KLC1: variants seen among roughly 807,000 people sequenced by gnomAD.
The protein encoded by KLC1 is kinesin 2 60/70kDa.
KLC1 carries 30 observed loss-of-function variants against 84.2 expected under a neutral mutation model. The ratio of observed to expected loss-of-function variants is 0.36; its 90% CI spans 0.27 to 0.48. KLC1 has a LOEUF of 0.48. Ranked by LOEUF, KLC1 falls within the 20% of genes least tolerant of loss-of-function variation. The pLI is 0.99. For missense variants in KLC1, 499 were observed against 805.4 expected, an observed-to-expected ratio of 0.62 and a Z score of 4.60; for synonymous variants, 289 against 293.3, an observed-to-expected ratio of 0.99 and a Z score of 0.15.
At chr14:103,663,371 C>T (rs1447922989) in intron 5 of KLC1, among the ~76,000 whole-genome samples, 1 of 152,162 alleles carries the variant, frequency 6.6e-6, no homozygotes, top group Non-Finnish European at 1.5e-5. Flanking sequence ...TGAGCCACCG[C>T]GCCCGGCCTA....
At chr14:103,643,906 C>G (rs2077687112) in intron 1 of KLC1, among the ~76,000 whole-genome samples, 2 of 150,792 alleles carry the variant, frequency 1.3e-5, no homozygotes, top group Admixed American at 6.6e-5. Flanking sequence ...CTTTTGCTTC[C>G]AATGTGGCTG....
At chr14:103,665,911 A>G (rs921956397) in intron 5 of KLC1, among the ~76,000 whole-genome samples, 1 of 140,508 alleles carries the variant, frequency 7.1e-6, no homozygotes, top group Non-Finnish European at 1.5e-5. Context: ...GAGATAGAGT[A>G]TGCATTGTGT....
At chr14:103,682,845 C>T (rs1291744351) in intron 13 of KLC1, 1 of 148,270 alleles carries the variant, frequency 6.7e-6, no homozygotes, top group Non-Finnish European at 1.5e-5. Context: ...GCACAATCTC[C>T]ACTCACTGCA....
rs547834193 is a variant in KLC1 at position 103,696,622 on chromosome 14, G to A, written c.1849-4033G>A. 8.8e-4 allele frequency: 870 copies of A among 985,530 alleles called. 3 individuals carry two copies. Among genetic ancestry groups the A allele is most frequent in the Non-Finnish European group, 7.7e-4 (640 of 829,964 alleles). 61.0% of individuals were successfully genotyped at this position (985,530 alleles called of 1,614,324 possible). On this transcript the variant is annotated intron_variant, in intron 15 of 16. Transcript: ENST00000334553. ...TGTAGAGCACTTACCAGCTCTGACC[G>A]TGTCTTGCTGGGGCCAGCAGGCTGC... is the stretch of plus-strand genomic sequence containing the variant.
chr14:103,672,212 G>T (rs1412148381), intron 7 of KLC1, among the ~76,000 whole-genome samples: 2 of 152,162 alleles, frequency 1.3e-5, no homozygotes, highest in Non-Finnish European at 2.9e-5. Context: ...AGTGTCCTAG[G>T]CAGGGGGAGG....
intron 13 of KLC1, 173 bp from the exon 14 acceptor site, chr14:103,686,908 A>G (rs1199959769): frequency 1.5e-5 from 5 of 323,024 alleles, no homozygotes; most frequent in Non-Finnish European, 3.0e-5. Flanking sequence ...AACAATTTCT[A>G]GTTAAAGTAT....
intron 3 of KLC1, among the ~76,000 whole-genome samples, chr14:103,658,289 C>CT (rs1328127253): frequency 6.6e-6 from 1 of 152,186 alleles, no homozygotes; most frequent in Non-Finnish European, 1.5e-5. Context: ...TACAAGGAGT[C>CT]TCGCTCTGTC....
chr14:103,681,268 A>G (rs995177219), intron 13 of KLC1, among the ~76,000 whole-genome samples: 2 of 152,092 alleles, frequency 1.3e-5, no homozygotes, highest in Non-Finnish European at 2.9e-5. Flanking sequence ...AGTGGTTCCT[A>G]GACTCACTTT....
At chr14:103,691,137 C>T (rs1402152914) in intron 14 of KLC1, among the ~76,000 whole-genome samples, 7 of 150,214 alleles carry the variant, frequency 4.7e-5, no homozygotes, top group African/African-American at 1.5e-4. Flanking sequence ...CCTCTCTGCT[C>T]CCAGATGGTT....
chr14:103,700,455 C>T, intron 15 of KLC1, 200 bp from the exon 16 acceptor site: 1 of 493,700 alleles, frequency 2.0e-6, no homozygotes, highest in Non-Finnish European at 3.5e-6. Context: ...GACACAGCTG[C>T]TCCTGGCACC....
chr14:103,660,183 T>C (rs776407401), intron 3 of KLC1, among the ~76,000 whole-genome samples: 1 of 152,168 alleles, frequency 6.6e-6, no homozygotes, highest in Non-Finnish European at 1.5e-5. Flanking sequence ...ACTAAATGTT[T>C]TGATTTAAAA....
intron 5 of KLC1, among the ~76,000 whole-genome samples, chr14:103,666,280 G>T (rs577513461): frequency 1.3e-5 from 2 of 151,942 alleles, no homozygotes; most frequent in Admixed American, 1.3e-4. Flanking sequence ...AGCCAGGATG[G>T]TCTTGATCTC....
At chr14:103,631,045 T>C (rs1410905900) in intron 1 of KLC1, among the ~76,000 whole-genome samples, 1 of 152,028 alleles carries the variant, frequency 6.6e-6, no homozygotes, top group Non-Finnish European at 1.5e-5. Flanking sequence ...GTATCTTCAG[T>C]ATTTCATAGC....
intron 1 of KLC1, among the ~76,000 whole-genome samples, chr14:103,653,294 C>A (rs1038281008): frequency 3.3e-5 from 5 of 152,200 alleles, no homozygotes; most frequent in African/African-American, 1.2e-4. Context: ...AATACCTGCA[C>A]ATACCACCCA....
At chr14:103,681,238 A>G (rs74459667) in intron 13 of KLC1, among the ~76,000 whole-genome samples, 2,462 of 152,142 alleles carry the variant, frequency 0.016, 64 homozygotes, top group African/African-American at 0.055. Flanking sequence ...AAACAGTTTG[A>G]GTTTTAAATT....
chr14:103,636,633 T>G (rs1480130557), intron 1 of KLC1, among the ~76,000 whole-genome samples: 1 of 152,150 alleles, frequency 6.6e-6, no homozygotes. Context: ...CTTGTCGGTC[T>G]TTGTATGCCT....
intron 12 of KLC1, 94 bp from the exon 13 acceptor site, chr14:103,679,290 T>G: frequency 8.4e-7 from 1 of 1,185,320 alleles, no homozygotes; most frequent in Non-Finnish European, 1.1e-6. Flanking sequence ...TAAGAACTGT[T>G]TTTTTTTTTT....
intron 3 of KLC1, among the ~76,000 whole-genome samples, chr14:103,659,150 G>A (rs974831074): frequency 6.0e-5 from 9 of 150,242 alleles, no homozygotes; most frequent in African/African-American, 2.2e-4. Context: ...GCTAATTTTT[G>A]TATTTTAAGT....
At position 103,701,394 on chromosome 14, in the gene KLC1, A is replaced by G; in HGVS notation, c.*195A>G. Reference sequence around the variant, plus strand: ...TGACCTTGGGGCTGGGGCTGGGCCTAAGCTGGTGCCCTGGTGCGGCGTGGT... The same window carrying G: ...TGACCTTGGGGCTGGGGCTGGGCCTGAGCTGGTGCCCTGGTGCGGCGTGGT... On this transcript the variant is annotated 3_prime_UTR_variant, in exon 17 of 17. Transcript: ENST00000334553. 1.8e-6 allele frequency: 1 copy of G among 553,168 alleles called. No individual in the cohort carries two copies. The highest frequency in any genetic ancestry group is 2.8e-5 in the South Asian group (1 of 35,376). The allele number at this position is 553,168 out of a possible 1,614,324, so 34.3% of individuals were successfully genotyped here.
Sources: allele counts gnomAD v4.1 joint callset (sites outside exome capture counted in the v4.1 genomes callset), GRCh38; gene constraint gnomAD v4.1.1; transcripts MANE v1.5; gene names NCBI Gene and HGNC (gene_info 2026-07-23, HGNC 2026-07-21).